The following NXPE2 variants were observed in gnomAD, a reference collection of about 807,000 sequenced individuals.
NXPE2 encodes NXPE family member 2.
In NXPE2, 34 loss-of-function variants were observed where a neutral mutation model predicts 34.4. That is an observed-to-expected ratio of 0.99 (90% CI 0.75 to 1.31). NXPE2 has a LOEUF of 1.31. Among genes scored for constraint, NXPE2 ranks in the 40% most tolerant of loss-of-function variants. The probability of loss-of-function intolerance (pLI) is 0.00; values close to 1 mark genes in which losing one functional copy is unlikely to be tolerated. For missense variants in NXPE2, 649 were observed against 672.5 expected (o/e 0.97, Z 0.39); for synonymous variants, 235 against 231.3 (o/e 1.02, Z -0.15).
At chr11:114,725,057 C>T in the NXPE2 span, among the ~76,000 whole-genome samples, 1 of 151,776 alleles carries the variant, frequency 6.6e-6, no homozygotes, top group Non-Finnish European at 1.5e-5. Flanking sequence ...AAGTATATTG[C>T]CCACACTAAC....
chr11:114,533,182 T>G, the NXPE2 span, among the ~76,000 whole-genome samples: 2 of 152,188 alleles, frequency 1.3e-5, no homozygotes, highest in Non-Finnish European at 2.9e-5. Context: ...TTATAGATGT[T>G]GTGACTGTTT....
At chr11:114,521,704 G>T in the NXPE2 span, 1 of 388,518 alleles carries the variant, frequency 2.6e-6, no homozygotes, top group South Asian at 4.6e-5. Flanking sequence ...TTTCAAATCA[G>T]CTTAATAACA....
chr11:114,766,819 G>T, the NXPE2 span, among the ~76,000 whole-genome samples: 3 of 152,062 alleles, frequency 2.0e-5, no homozygotes, highest in African/African-American at 7.2e-5. Flanking sequence ...ATTAACTCAT[G>T]ATCTCTTTGA....
the NXPE2 span, among the ~76,000 whole-genome samples, chr11:114,614,625 G>C: frequency 6.6e-6 from 1 of 151,586 alleles, no homozygotes; most frequent in African/African-American, 2.4e-5. Context: ...ACTGTTACCT[G>C]GTGGATTATA....
the NXPE2 span, among the ~76,000 whole-genome samples, chr11:114,625,441 G>A: frequency 1.3e-5 from 2 of 152,234 alleles, no homozygotes; most frequent in East Asian, 3.9e-4. Context: ...TGGATAATAA[G>A]TATTGCCTCT....
the NXPE2 span, among the ~76,000 whole-genome samples, chr11:114,621,478 G>A: frequency 6.6e-6 from 1 of 152,134 alleles, no homozygotes; most frequent in Non-Finnish European, 1.5e-5. Flanking sequence ...TTGCCTCATG[G>A]GTAACCTCTA....
the NXPE2 span, among the ~76,000 whole-genome samples, chr11:114,739,991 A>G: frequency 6.6e-6 from 1 of 152,138 alleles, no homozygotes; most frequent in Non-Finnish European, 1.5e-5. Context: ...ATGTGTTCCA[A>G]GATCCCCAGT....
chr11:114,612,679 C>T, the NXPE2 span, among the ~76,000 whole-genome samples: 1 of 151,824 alleles, frequency 6.6e-6, no homozygotes, highest in Non-Finnish European at 1.5e-5. Context: ...TACGTGTTGT[C>T]TCATGGGTAA....
At chr11:114,469,608 G>C in the NXPE2 span, among the ~76,000 whole-genome samples, 1 of 151,544 alleles carries the variant, frequency 6.6e-6, no homozygotes, top group Non-Finnish European at 1.5e-5. Context: ...TCTTGCCTCA[G>C]CCTCCTGAGT....
chr11:114,531,230 A>G, the NXPE2 span, among the ~76,000 whole-genome samples: 14 of 152,190 alleles, frequency 9.2e-5, no homozygotes, highest in Non-Finnish European at 1.8e-4. Context: ...GATATATTCA[A>G]TCCAAAATAT....
chr11:114,529,415 C>T, the NXPE2 span: 1 of 152,186 alleles, frequency 6.6e-6, no homozygotes, highest in East Asian at 1.9e-4. Context: ...TCATTCTAAT[C>T]AACAAAGTGG....
At chr11:114,583,155 T>C in the NXPE2 span, 1 of 948,980 alleles carries the variant, frequency 1.1e-6, no homozygotes, top group South Asian at 1.7e-5. Context: ...TGAATATTGA[T>C]TTACATACTA....
chr11:114,611,846 T>C, the NXPE2 span, among the ~76,000 whole-genome samples: 1 of 151,852 alleles, frequency 6.6e-6, no homozygotes, highest in African/African-American at 2.4e-5. Flanking sequence ...TATTTCCTCA[T>C]GGGAAACCAC....
At chr11:114,758,929 G>A in the NXPE2 span, among the ~76,000 whole-genome samples, 9 of 150,060 alleles carry the variant, frequency 6.0e-5, no homozygotes, top group East Asian at 1.4e-3. Flanking sequence ...ATATAAAAAC[G>A]GCAATTAGTA....
At chr11:114,491,307 A>T in the NXPE2 span, among the ~76,000 whole-genome samples, 2 of 152,140 alleles carry the variant, frequency 1.3e-5, no homozygotes, top group Non-Finnish European at 2.9e-5. Flanking sequence ...GAATTCAAAC[A>T]AATTTACAAG....
the NXPE2 span, among the ~76,000 whole-genome samples, chr11:114,467,163 A>T: frequency 7.2e-5 from 11 of 152,214 alleles, no homozygotes; most frequent in African/African-American, 2.7e-4. Context: ...TCTGTAGTGA[A>T]AGCATAACAC....
At chr11:114,776,198 A>G in the NXPE2 span, among the ~76,000 whole-genome samples, 1 of 152,220 alleles carries the variant, frequency 6.6e-6, no homozygotes, top group African/African-American at 2.4e-5. Context: ...GGAGTGCTGC[A>G]TCCTCTGATC....
In NXPE2 at chr11:114,705,790, A is replaced by C; in HGVS notation, c.938A>C (p.Asn313Thr). ...AAATTTGTATTGCCAGAGAGCGAGA[A>C]CATAAAAAAGAACTGCCAGATTGGA... ...IEVIPCNKSE[N>T]IKKNCQIGMK... Residue 313 changes from asparagine (N) to threonine (T), a missense_variant, in exon 5 of 6, where the codon AAC becomes ACC. Asn to Thr is a moderately conservative substitution (Grantham distance 65, BLOSUM62 0). Coordinates refer to ENST00000389586, the MANE Select transcript of NXPE2 (RefSeq NM_182495.6). 1 of 1,468,602 alleles carries C rather than the reference A, an allele frequency of 6.8e-7. No homozygotes were observed. Among genetic ancestry groups the C allele is most frequent in the South Asian group, 1.4e-5 (1 of 70,722 alleles). 91.0% of individuals were successfully genotyped at this position (1,468,602 alleles called of 1,614,324 possible).
chr11:114,551,340 C>T, the NXPE2 span: 1 of 1,397,094 alleles, frequency 7.2e-7, no homozygotes, highest in South Asian at 1.6e-5. Context: ...GTCTTCTTTC[C>T]CTCTGCTAAC....
Sources: allele counts gnomAD v4.1 joint callset (sites outside exome capture counted in the v4.1 genomes callset), GRCh38; gene constraint gnomAD v4.1.1; transcripts MANE v1.5; gene names NCBI Gene and HGNC (gene_info 2026-07-23, HGNC 2026-07-21).